FGF12: variants seen among roughly 807,000 people sequenced by gnomAD.
The protein encoded by FGF12 is fibroblast growth factor 12, also known as fibroblast growth factor 12B.
In FGF12, 14 loss-of-function variants were observed where a neutral mutation model predicts 23.6. That is an observed-to-expected ratio of 0.59 (90% CI 0.39 to 0.93). The LOEUF (loss-of-function observed/expected upper bound fraction) is 0.93, where lower values mean the gene tolerates loss of function less well. Ranked by LOEUF, FGF12 falls within the 40% of genes least tolerant of loss-of-function variation. FGF12 has a pLI of 0.00. For missense variants in FGF12, 175 were observed against 217.8 expected (o/e 0.80, Z 1.24); for synonymous variants, 62 against 77.3 (o/e 0.80, Z 1.04).
At chr3:192,710,850 A>G (rs960745875) in intron 2 of FGF12, among the ~76,000 whole-genome samples, 4 of 152,164 alleles carry the variant, frequency 2.6e-5, no homozygotes, top group African/African-American at 9.7e-5. Context: ...ATTTCTACGG[A>G]TTTCCAAAAC....
At chr3:192,147,912 T>G (rs183010254) in intron 5 of FGF12, among the ~76,000 whole-genome samples, 1 of 152,102 alleles carries the variant, frequency 6.6e-6, no homozygotes, top group Non-Finnish European at 1.5e-5. Context: ...TCAGAAATGG[T>G]AATAAAAGAA....
intron 4 of FGF12, among the ~76,000 whole-genome samples, chr3:192,330,400 A>G (rs1577359197): frequency 6.6e-6 from 1 of 152,170 alleles, no homozygotes; most frequent in Non-Finnish European, 1.5e-5. Context: ...ATGGAACACA[A>G]TAGAGAGGCC....
chr3:192,624,242 C>T (rs1428434859), intron 2 of FGF12, among the ~76,000 whole-genome samples: 1 of 151,630 alleles, frequency 6.6e-6, no homozygotes, highest in East Asian at 1.9e-4. Context: ...CTAATAAAAT[C>T]CCTATTAAAA....
chr3:192,339,375 CTCTT>C (rs1717581249), intron 3 of FGF12, among the ~76,000 whole-genome samples: 1 of 152,190 alleles, frequency 6.6e-6, no homozygotes, highest in African/African-American at 2.4e-5. Flanking sequence ...ACTCCACCCA[CTCTT>C]TAAGTCCCTT....
chr3:192,411,172 T>C (rs547531463), intron 2 of FGF12, among the ~76,000 whole-genome samples: 1 of 152,096 alleles, frequency 6.6e-6, no homozygotes, highest in Non-Finnish European at 1.5e-5. Flanking sequence ...CACAAACCTA[T>C]GGGCCTAGCC....
chr3:192,566,087 A>T (rs2108598538), intron 2 of FGF12, among the ~76,000 whole-genome samples: 1 of 152,368 alleles, frequency 6.6e-6, no homozygotes, highest in Middle Eastern at 3.4e-3. Context: ...GTTCCGTCTC[A>T]AAAAAGCAAG....
At chr3:192,609,811 C>G (rs1714484394) in intron 2 of FGF12, among the ~76,000 whole-genome samples, 1 of 152,064 alleles carries the variant, frequency 6.6e-6, no homozygotes, top group African/African-American at 2.4e-5. Flanking sequence ...AAATATCAGG[C>G]ACAAACCTAG....
At chr3:192,697,254 G>A (rs1718155200) in intron 2 of FGF12, among the ~76,000 whole-genome samples, 1 of 152,166 alleles carries the variant, frequency 6.6e-6, no homozygotes, top group African/African-American at 2.4e-5. Flanking sequence ...ATGAAAGATG[G>A]TCTGAGTCTA....
intron 2 of FGF12, among the ~76,000 whole-genome samples, chr3:192,664,793 A>G: frequency 6.6e-6 from 1 of 151,994 alleles, no homozygotes. Flanking sequence ...AAAAGTCACC[A>G]AAAAGCCAGC....
rs1477524990 is a variant in FGF12 at position 192,641,305 on chromosome 3, C to T, written c.13+85876G>A. On this transcript the variant is annotated intron_variant, in intron 2 of 5. Coordinates refer to ENST00000445105, the MANE Select transcript of FGF12 (RefSeq NM_004113.6). ...TATTTTTAGTAGAGACGGGGTTTCA[C>T]CGTTTTAGCCGGGATGGTCTCGATC... 3.2e-5 allele frequency among the ~76,000 whole-genome samples: 3 copies of T among 93,046 alleles called. 1 individual carries two copies. The highest frequency in any genetic ancestry group is 2.9e-4 in the Admixed American group (3 of 10,472). 61.0% of individuals were successfully genotyped at this position (93,046 alleles called of 152,430 possible). A position where few individuals can be genotyped will look rare whatever the true frequency, so the allele number is the denominator to read the frequency against.
Position 192,344,400 on chromosome 3 carries a change from G to C in FGF12, c.125-8936C>G, listed in dbSNP as rs150866054. Among the ~76,000 whole-genome samples, 489 of 152,008 alleles carry C rather than the reference G, an allele frequency of 3.2e-3. 3 individuals are homozygous for C. Among genetic ancestry groups the C allele is most frequent in the African/African-American group, 0.011 (466 of 41,436 alleles). The stretch of plus-strand genomic sequence containing the variant: ...ATGTATTCCATCTTCTATTATTGAA[G>C]TTCCCATAAGCAAAACAACTATGTG... On this transcript the variant is annotated intron_variant, in intron 3 of 5. Transcript: ENST00000445105.
At chr3:192,532,388 G>T in intron 2 of FGF12, among the ~76,000 whole-genome samples, 1 of 152,126 alleles carries the variant, frequency 6.6e-6, no homozygotes, top group South Asian at 2.1e-4. Flanking sequence ...ATGAGCATGG[G>T]TTGTCTTTCC....
chr3:192,441,470 C>T (rs901381683), intron 2 of FGF12, among the ~76,000 whole-genome samples: 2 of 152,204 alleles, frequency 1.3e-5, no homozygotes, highest in African/African-American at 4.8e-5. Flanking sequence ...TGTAACGCCT[C>T]TCCCAGTGAT....
In FGF12 at chr3:192,140,483, G is replaced by GTCAT. The variant is rs758625436; in HGVS notation, c.*3522_*3525dup. On this transcript the variant is annotated 3_prime_UTR_variant, in exon 6 of 6. Coordinates refer to ENST00000445105, the MANE Select transcript of FGF12 (RefSeq NM_004113.6). ...TTTTTAAAAAATTACTGGCAACGTA[G>GTCAT]TCATACTTACTTCTTCACCAAGAAA... 7 of 151,984 alleles carry GTCAT rather than the reference G, an allele frequency of 4.6e-5. No individual in the cohort carries two copies. The highest frequency in any genetic ancestry group is 8.8e-5 in the Non-Finnish European group (6 of 67,890). The allele number at this position is 151,984 out of a possible 1,614,324, so 9.4% of individuals were successfully genotyped here.
At chr3:192,707,524 A>G (rs1337435116) in intron 2 of FGF12, among the ~76,000 whole-genome samples, 1 of 152,062 alleles carries the variant, frequency 6.6e-6, no homozygotes, top group Non-Finnish European at 1.5e-5. Context: ...GAGGCAAATG[A>G]ATCACGAGGT....
intron 2 of FGF12, among the ~76,000 whole-genome samples, chr3:192,460,082 G>C (rs916457761): frequency 1.3e-5 from 2 of 152,120 alleles, no homozygotes; most frequent in Admixed American, 6.5e-5. Context: ...AAGAAGAGTT[G>C]GTGGGTGAGA....
At chr3:192,504,772 C>G (rs1457913679) in intron 2 of FGF12, among the ~76,000 whole-genome samples, 1 of 152,092 alleles carries the variant, frequency 6.6e-6, no homozygotes, top group Non-Finnish European at 1.5e-5. Flanking sequence ...GATGAGTCCT[C>G]TCTGTAGACC....
At chr3:192,207,589 A>AG (rs1717721403) in intron 4 of FGF12, among the ~76,000 whole-genome samples, 1 of 152,186 alleles carries the variant, frequency 6.6e-6, no homozygotes, top group Non-Finnish European at 1.5e-5. Flanking sequence ...TATGGCATGT[A>AG]GGGGGAATAC....
intron 2 of FGF12, among the ~76,000 whole-genome samples, chr3:192,538,447 T>C (rs1725287648): frequency 6.6e-6 from 1 of 152,212 alleles, no homozygotes; most frequent in Non-Finnish European, 1.5e-5. Flanking sequence ...TGGATTTACT[T>C]CTGAGTTCTT....
Sources: gnomAD v4.1 joint callset for allele counts (sites outside exome capture counted in the v4.1 genomes callset) on GRCh38, gnomAD v4.1.1 for gene constraint, MANE v1.5 for transcripts, NCBI Gene and HGNC (gene_info 2026-07-23, HGNC 2026-07-21) for gene names.